Variants in PTPN21 observed in about 807,000 individuals in gnomAD.
PTPN21 encodes the protein protein tyrosine phosphatase non-receptor type 21.
A neutral mutation model predicts 131.8 loss-of-function variants in PTPN21; 77 were observed. The ratio of observed to expected loss-of-function variants is 0.58; its 90% CI spans 0.49 to 0.71. The LOEUF is 0.71. Among genes scored for constraint, PTPN21 ranks in the 30% least tolerant of loss-of-function variants. The pLI is 0.00. For missense variants in PTPN21, 1,552 were observed against 1,527.1 expected (o/e 1.02, Z -0.27); for synonymous variants, 715 against 621.3 (o/e 1.15, Z -2.24).
At chr14:88,525,102 C>T (rs577340048) in intron 2 of PTPN21, among the ~76,000 whole-genome samples, 8 of 148,558 alleles carry the variant, frequency 5.4e-5, no homozygotes, top group African/African-American at 2.0e-4. Flanking sequence ...TAGCTGAGTA[C>T]AGTGGCACAC....
intron 2 of PTPN21, among the ~76,000 whole-genome samples, chr14:88,538,372 T>C (rs1476154155): frequency 6.6e-6 from 1 of 152,154 alleles, no homozygotes; most frequent in African/African-American, 2.4e-5. Flanking sequence ...AGAACACTCC[T>C]GGGATGTATT....
At chr14:88,484,217 T>A (rs994199829) in intron 12 of PTPN21, among the ~76,000 whole-genome samples, 1 of 120,436 alleles carries the variant, frequency 8.3e-6, no homozygotes, top group Admixed American at 7.6e-5. Flanking sequence ...CCAGCTATTT[T>A]TTTTTTTTTT....
intron 2 of PTPN21, among the ~76,000 whole-genome samples, chr14:88,530,508 T>A (rs1383450264): frequency 7.4e-6 from 1 of 134,328 alleles, no homozygotes; most frequent in South Asian, 2.2e-4. Flanking sequence ...TGGATAAAAA[T>A]CCACCAACCA....
At chr14:88,485,214 G>C (rs528520529) in intron 11 of PTPN21, 54 bp from the exon 12 acceptor site, 57 of 1,122,340 alleles carry the variant, frequency 5.1e-5, no homozygotes, top group South Asian at 4.0e-4. Flanking sequence ...ATGTAATACA[G>C]GTAAAGTTAT....
In PTPN21 at chr14:88,478,973, A is replaced by C. The variant is rs2077589637; in HGVS notation, c.2458T>G (p.Ser820Ala). 6 of 1,560,514 alleles carry C rather than the reference A, an allele frequency of 3.8e-6. No individual in the cohort carries two copies. The highest frequency in any genetic ancestry group is 5.2e-6 in the Non-Finnish European group (6 of 1,153,982). ...RRDSLKKRPV[S>A]DLLSGKKNIV... ...TTCTTCTTCCCAGAGAGAAGGTCCG[A>C]CACCGGCCTTTTCTTCAGAGAGTCC... The change falls in exon 13 of 19, where the codon TCG becomes GCG. Residue 820 changes from serine (S) to alanine (A), a missense_variant. Transcript: ENST00000556564.
intron 3 of PTPN21, among the ~76,000 whole-genome samples, chr14:88,515,694 G>A (rs2078258543): frequency 6.6e-6 from 1 of 151,970 alleles, no homozygotes; most frequent in South Asian, 2.1e-4. Context: ...CCACCCCTAG[G>A]AATCCACAGC....
rs1486850448 is a variant in PTPN21 at position 88,469,353 on chromosome 14, C to G, written c.3235+146G>C. 3.6e-5 allele frequency: 29 copies of G among 799,692 alleles called. No individual in the cohort carries two copies. Among genetic ancestry groups the G allele is most frequent in the Non-Finnish European group, 5.3e-5 (27 of 513,798 alleles). The allele number at this position is 799,692 out of a possible 1,614,324, so 49.5% of individuals were successfully genotyped here. A position where few individuals can be genotyped will look rare whatever the true frequency, so the allele number is the denominator to read the frequency against. On this transcript the variant is annotated intron_variant, in intron 17 of 18. Coordinates refer to ENST00000556564, the MANE Select transcript of PTPN21 (RefSeq NM_007039.4). The surrounding 1 kb of genome is among the most constrained non-coding windows in gnomAD (Gnocchi z 4.3). ...TAATTTATAAACCTCGTTAACCCTC[C>G]CCAAAACACTTGTATTCTTTATGTT...
chr14:88,495,894 G>T (rs1473240699), intron 10 of PTPN21, among the ~76,000 whole-genome samples: 3 of 152,068 alleles, frequency 2.0e-5, no homozygotes, highest in Admixed American at 6.5e-5. Context: ...TGGAAGGAAG[G>T]AAACATACAA....
chr14:88,554,410 C>A (rs1259154606), intron 1 of PTPN21, among the ~76,000 whole-genome samples: 1 of 152,156 alleles, frequency 6.6e-6, no homozygotes, highest in Non-Finnish European at 1.5e-5. Context: ...CCGCAACAAT[C>A]GGCCAGGGCG....
chr14:88,504,523 G>A (rs1430018890), intron 5 of PTPN21, 28 bp from the exon 6 acceptor site: 32 of 1,567,266 alleles, frequency 2.0e-5, no homozygotes, highest in Non-Finnish European at 2.7e-5. Flanking sequence ...TGGTAAGTAT[G>A]TGACAATTCA....
intron 1 of PTPN21, among the ~76,000 whole-genome samples, chr14:88,554,226 C>T (rs1295725546): frequency 6.6e-6 from 1 of 152,158 alleles, no homozygotes; most frequent in Non-Finnish European, 1.5e-5. Context: ...ATTTGCAGAT[C>T]CAAGAATTCT....
intron 1 of PTPN21, among the ~76,000 whole-genome samples, chr14:88,553,003 A>C (rs2078887012): frequency 6.6e-6 from 1 of 152,214 alleles, no homozygotes; most frequent in South Asian, 2.1e-4. Flanking sequence ...AAGATATTGC[A>C]TATGTGTAGA....
chr14:88,528,619 G>A (rs559856429), intron 2 of PTPN21, among the ~76,000 whole-genome samples: 3 of 152,076 alleles, frequency 2.0e-5, no homozygotes, highest in Admixed American at 2.0e-4. Context: ...AGCTCTTTCT[G>A]GTGATAGTGA....
chr14:88,529,888 C>T (rs2078530284), intron 2 of PTPN21, among the ~76,000 whole-genome samples: 1 of 151,420 alleles, frequency 6.6e-6, no homozygotes, highest in African/African-American at 2.4e-5. Flanking sequence ...AGGCTGAGGC[C>T]AGAGAATTGC....
intron 2 of PTPN21, among the ~76,000 whole-genome samples, chr14:88,530,190 G>A (rs2078535127): frequency 6.6e-6 from 1 of 152,080 alleles, no homozygotes; most frequent in South Asian, 2.1e-4. Flanking sequence ...CTTCATAAAT[G>A]AAGGAGAGAT....
chr14:88,470,146 A>G, intron 15 of PTPN21, 96 bp from the exon 16 acceptor site: 1 of 1,092,224 alleles, frequency 9.2e-7, no homozygotes, highest in Admixed American at 2.5e-5. Flanking sequence ...AGTTTTTTTA[A>G]AAAAGTAAAA....
chr14:88,531,030 T>A (rs1159404538), intron 2 of PTPN21, among the ~76,000 whole-genome samples: 1 of 152,158 alleles, frequency 6.6e-6, no homozygotes, highest in South Asian at 2.1e-4. Context: ...ATAGACCATA[T>A]GATAGGCCAC....
At chr14:88,471,816 C>T (rs886314633) in intron 15 of PTPN21, among the ~76,000 whole-genome samples, 1 of 151,850 alleles carries the variant, frequency 6.6e-6, no homozygotes, top group East Asian at 1.9e-4. Context: ...GGACAAAGTT[C>T]TAAAGCCAGG....
At position 88,523,156 on chromosome 14, in the gene PTPN21, A is replaced by C. The variant is rs1294057953; in HGVS notation, c.181-5895T>G. 2.6e-5 allele frequency among the ~76,000 whole-genome samples: 4 copies of C among 152,176 alleles called. No homozygotes were observed. In the East Asian group the frequency reaches 5.8e-4, roughly 22 times the overall value. Reference sequence around the variant, plus strand: ...CAAAAGATAACCACAAGAAAACTATAGACCGACATCCCTTGTAAATATAGA... The same window carrying C: ...CAAAAGATAACCACAAGAAAACTATCGACCGACATCCCTTGTAAATATAGA... On this transcript the variant is annotated intron_variant, in intron 2 of 18. Transcript: ENST00000556564.
Sources: gnomAD v4.1 joint callset for allele counts (sites outside exome capture counted in the v4.1 genomes callset) on GRCh38, gnomAD v4.1.1 for gene constraint, Gnocchi (gnomAD v3.1) non-coding constraint, MANE v1.5 for transcripts, NCBI Gene and HGNC (gene_info 2026-07-23, HGNC 2026-07-21) for gene names.